The following STK3 variants were observed in gnomAD, a reference collection of about 807,000 sequenced individuals.
STK3 encodes the protein serine/threonine-protein kinase 3.
In STK3, 41 loss-of-function variants were observed where a neutral mutation model predicts 58.0. That is an observed-to-expected ratio of 0.71 (90% CI 0.55 to 0.92). The LOEUF (loss-of-function observed/expected upper bound fraction) is 0.92, where lower values mean the gene tolerates loss of function less well. Ranked by LOEUF, STK3 falls within the 40% of genes least tolerant of loss-of-function variation. The probability of loss-of-function intolerance (pLI) is 0.00; values close to 1 mark genes in which losing one functional copy is unlikely to be tolerated. For missense variants in STK3, 479 were observed against 602.7 expected, an observed-to-expected ratio of 0.79 and a Z score of 2.15; for synonymous variants, 170 against 191.0, an observed-to-expected ratio of 0.89 and a Z score of 0.91.
intron 4 of STK3, among the ~76,000 whole-genome samples, chr8:98,730,593 G>A (rs1404238996): frequency 6.6e-6 from 1 of 151,704 alleles, no homozygotes; most frequent in Non-Finnish European, 1.5e-5. Flanking sequence ...GTGCATGCCT[G>A]TAATCCCAGC....
rs1563986941 is a variant in STK3, at chr8:98,774,837, GAAGA to G, written c.27-22_27-19del. ...TTAGTTTACTGATTTAAAAAAGAAA[GAAGA>G]AAGAAAATATTTTCTTTAAAGACCT... On this transcript the variant is annotated intron_variant, in intron 1 of 10. Transcript: ENST00000419617. 6.6e-7 allele frequency: 1 copy of G among 1,514,276 alleles called. No individual in the cohort carries two copies. Among genetic ancestry groups the G allele is most frequent in the Non-Finnish European group, 8.8e-7 (1 of 1,133,330 alleles). 93.8% of individuals were successfully genotyped at this position (1,514,276 alleles called of 1,614,324 possible). A position where few individuals can be genotyped will look rare whatever the true frequency, so the allele number is the denominator to read the frequency against.
chr8:98,849,740 A>G (rs1409459810), intron 3 of STK3, among the ~76,000 whole-genome samples: 1 of 152,086 alleles, frequency 6.6e-6, no homozygotes, highest in African/African-American at 2.4e-5. Flanking sequence ...ATCCGTATCA[A>G]TCTCTTCATA....
At chr8:98,444,209 AG>A (rs1475116076) in intron 1 of STK3, among the ~76,000 whole-genome samples, 2 of 152,196 alleles carry the variant, frequency 1.3e-5, no homozygotes, top group Non-Finnish European at 2.9e-5. Context: ...TATACAGAGG[AG>A]GTGTCCCTGA....
intron 6 of STK3, among the ~76,000 whole-genome samples, chr8:98,634,108 T>C (rs897630194): frequency 3.3e-5 from 5 of 152,002 alleles, no homozygotes; most frequent in African/African-American, 9.7e-5. Context: ...TGGGAACTGG[T>C]GAATAATGAA....
rs541087830 is a variant in STK3, at chr8:98,440,956, TC to T, written n.186-3749del. On this transcript the variant is annotated intron_variant and non_coding_transcript_variant, in intron 1 of 3. Transcript: ENST00000517832. ...AAAATGAGGGTTCCCGTTGCCTTTTTCAGGAGTCCTTACCAGGTGTGGTTTA... is the reference window on the plus strand; with the variant it reads ...AAAATGAGGGTTCCCGTTGCCTTTTTAGGAGTCCTTACCAGGTGTGGTTTA... Among the ~76,000 whole-genome samples, 26 of 152,334 alleles carry T rather than the reference TC, an allele frequency of 1.7e-4. No individual in the cohort carries two copies. In the East Asian group the frequency reaches 3.3e-3, roughly 19 times the overall value.
chr8:98,439,298 G>A (rs1044567839), intron 1 of STK3: 5 of 152,058 alleles, frequency 3.3e-5, no homozygotes, highest in Admixed American at 6.5e-5. Context: ...GATAAATTGC[G>A]GGTCCCTGTG....
intron 6 of STK3, among the ~76,000 whole-genome samples, chr8:98,668,928 A>G (rs1822569843): frequency 6.6e-6 from 1 of 150,626 alleles, no homozygotes; most frequent in Non-Finnish European, 1.5e-5. Flanking sequence ...TTATATTTCA[A>G]TTGTGTTCAG....
chr8:98,613,834 T>G (rs1770354655), intron 6 of STK3, among the ~76,000 whole-genome samples: 1 of 151,986 alleles, frequency 6.6e-6, no homozygotes, highest in African/African-American at 2.4e-5. Context: ...ACAGGCATGT[T>G]GAAAGAAAAA....
chr8:98,940,659 C>A (rs1313977419), intron 1 of STK3, among the ~76,000 whole-genome samples: 1 of 152,202 alleles, frequency 6.6e-6, no homozygotes, highest in Non-Finnish European at 1.5e-5. Context: ...CCCTGGGAAA[C>A]CCCTCTGCAT....
chr8:98,553,958 A>G (rs2050888613), intron 8 of STK3, among the ~76,000 whole-genome samples: 1 of 148,884 alleles, frequency 6.7e-6, no homozygotes, highest in South Asian at 2.1e-4. Context: ...CCCAAAGGGA[A>G]AAAAAAAAAA....
chr8:98,740,127 C>A (rs1315530298), intron 4 of STK3, among the ~76,000 whole-genome samples: 2 of 152,154 alleles, frequency 1.3e-5, no homozygotes, highest in African/African-American at 4.8e-5. Context: ...ACTGGTGTAC[C>A]TGAAAGTGAC....
chr8:98,527,565 A>T (rs1825844081), intron 9 of STK3, among the ~76,000 whole-genome samples: 1 of 152,146 alleles, frequency 6.6e-6, no homozygotes, highest in African/African-American at 2.4e-5. Context: ...GGCTGCAGTG[A>T]GCTATGATTG....
At chr8:98,442,788 C>T (rs920808430) in intron 1 of STK3, among the ~76,000 whole-genome samples, 15 of 152,150 alleles carry the variant, frequency 9.9e-5, no homozygotes, top group African/African-American at 3.1e-4. Flanking sequence ...ATTTACTGTG[C>T]TGCTTGCAAG....
At chr8:98,617,495 A>G (rs1817853418) in intron 6 of STK3, among the ~76,000 whole-genome samples, 3 of 146,890 alleles carry the variant, frequency 2.0e-5, no homozygotes, top group South Asian at 4.5e-4. Flanking sequence ...AGACACAAAA[A>G]ACCCTTCAAA....
intron 3 of STK3, among the ~76,000 whole-genome samples, chr8:98,859,577 A>G (rs1836850638): frequency 2.6e-5 from 4 of 152,180 alleles, no homozygotes; most frequent in Admixed American, 2.6e-4. Flanking sequence ...ATTGGAAACA[A>G]GGCAACTGAC....
At chr8:98,926,416 C>T (rs1254255399) in intron 1 of STK3, among the ~76,000 whole-genome samples, 4 of 152,120 alleles carry the variant, frequency 2.6e-5, no homozygotes, top group East Asian at 1.9e-4. Context: ...ATATGGAATA[C>T]GGAACTTTTC....
intron 4 of STK3, among the ~76,000 whole-genome samples, chr8:98,717,488 A>G (rs1307807157): frequency 6.6e-6 from 1 of 152,194 alleles, no homozygotes; most frequent in African/African-American, 2.4e-5. Context: ...CACACCCATT[A>G]TGACGGCTAT....
chr8:98,598,819 G>A (rs1371668236), intron 6 of STK3: 2 of 985,360 alleles, frequency 2.0e-6, no homozygotes, highest in South Asian at 4.7e-5. Flanking sequence ...TACACAATGT[G>A]TTGCTTAACT....
chr8:98,521,590 G>A (rs1440231043), intron 10 of STK3, among the ~76,000 whole-genome samples: 1 of 151,910 alleles, frequency 6.6e-6, no homozygotes, highest in African/African-American at 2.4e-5. Context: ...ACCTTCAGTG[G>A]CTTTCCACTG....
Sources: gnomAD v4.1 joint callset for allele counts (sites outside exome capture counted in the v4.1 genomes callset) on GRCh38, gnomAD v4.1.1 for gene constraint, MANE v1.5 for transcripts, NCBI Gene and HGNC (gene_info 2026-07-23, HGNC 2026-07-21) for gene names.